CFAP46: variants seen among roughly 807,000 people sequenced by gnomAD.
CFAP46 encodes cilia and flagella associated protein 46.
In CFAP46, 245 loss-of-function variants were observed where a neutral mutation model predicts 325.7. The observed-to-expected ratio is 0.75, with a 90% CI of 0.68 to 0.84. CFAP46 has a LOEUF of 0.84. Ranked by LOEUF, CFAP46 falls within the 40% of genes least tolerant of loss-of-function variation. CFAP46 has a pLI of 0.00. For synonymous variants in CFAP46, 1,523 were observed against 1,495.9 expected, an observed-to-expected ratio of 1.02 and a Z score of -0.42; for missense variants, 3,346 against 3,543.0, an observed-to-expected ratio of 0.94 and a Z score of 1.41.
intron 19 of CFAP46, among the ~76,000 whole-genome samples, chr10:132,911,103 C>T (rs1849534512): frequency 6.6e-6 from 1 of 152,242 alleles, no homozygotes; most frequent in African/African-American, 2.4e-5. Context: ...CTCAGCTGCA[C>T]CCACAGCTGC....
At chr10:132,845,166 G>T (rs545980737) in intron 44 of CFAP46, among the ~76,000 whole-genome samples, 37 of 152,358 alleles carry the variant, frequency 2.4e-4, no homozygotes, top group Non-Finnish European at 4.9e-4. Flanking sequence ...TCCTCCAGGC[G>T]CAGGGCCAGG....
chr10:132,846,232 A>T lies in CFAP46; in HGVS notation c.6268-5T>A. On this transcript the variant is annotated splice_region_variant and splice_polypyrimidine_tract_variant and intron_variant, in intron 43 of 57. Coordinates refer to ENST00000368586, the MANE Select transcript of CFAP46 (RefSeq NM_001200049.3). ...CGTCTCTGAGGCCGAGCAGCTCTGAAAGGGAGCAGGGGAGGTGTACCAGGG... is the reference window on the plus strand; with the variant it reads ...CGTCTCTGAGGCCGAGCAGCTCTGATAGGGAGCAGGGGAGGTGTACCAGGG... 4 of 1,610,992 alleles carry T rather than the reference A, an allele frequency of 2.5e-6. No individual in the cohort carries two copies. Among genetic ancestry groups the T allele is most frequent in the Non-Finnish European group, 3.4e-6 (4 of 1,179,316 alleles).
At chr10:132,850,871 C>T (rs536685612) in intron 40 of CFAP46, among the ~76,000 whole-genome samples, 5 of 152,078 alleles carry the variant, frequency 3.3e-5, no homozygotes, top group South Asian at 2.1e-4. Context: ...ATTCATGAGT[C>T]GGGAAGGGCA....
rs76549496 is a variant in CFAP46 at position 132,853,071 on chromosome 10, C to T, written c.5575-1766G>A. Reference sequence around the variant, plus strand: ...TTTTTTCCTGCCGGATTCCATAGGCCGGAACTCCCATGTCAACACGGAACA... The same window carrying T: ...TTTTTTCCTGCCGGATTCCATAGGCTGGAACTCCCATGTCAACACGGAACA... On this transcript the variant is annotated intron_variant, in intron 39 of 57. Transcript: ENST00000368586. 4.0e-3 allele frequency among the ~76,000 whole-genome samples: 559 copies of T among 140,944 alleles called. 2 individuals carry two copies. The highest frequency in any genetic ancestry group is 7.8e-3 in the Admixed American group (99 of 12,664). The allele number at this position is 140,944 out of a possible 152,430, so 92.5% of individuals were successfully genotyped here.
Position 132,910,062 on chromosome 10 carries a change from C to T in CFAP46, c.2506G>A (p.Glu836Lys), listed in dbSNP as rs927726905. 14 of 1,493,634 alleles carry T rather than the reference C, an allele frequency of 9.4e-6. No individual in the cohort carries two copies. Among genetic ancestry groups the T allele is most frequent in the Admixed American group, 7.4e-5 (3 of 40,758 alleles). The allele number at this position is 1,493,634 out of a possible 1,614,324, so 92.5% of individuals were successfully genotyped here. A position where few individuals can be genotyped will look rare whatever the true frequency, so the allele number is the denominator to read the frequency against. ...CCATTGGTCAGGTTCAGGGCAAACT[C>T]GCAGACCTAGGACAGACGTGTTCTC... The part of the protein sequence containing the change: ...SEIKTAVEVC[E>K]FALNLTNGSA... The change falls in exon 20 of 58, where the codon GAG (glutamate) becomes AAG (lysine). Residue 836 changes from glutamate (E) to lysine (K), a missense_variant. Physicochemically the swap from Glu to Lys is moderately conservative, Grantham distance 56. Transcript: ENST00000368586.
rs377458670 is a variant in CFAP46 at position 132,932,192 on chromosome 10, C to T, written c.867-2388G>A. ...ACTTCTCACACAGAGCCTAGGCCTC[C>T]TCACACTTCTCACACAGAGCCTGGG... is the stretch of plus-strand genomic sequence containing the variant. On this transcript the variant is annotated intron_variant, in intron 8 of 57. Coordinates refer to ENST00000368586, the MANE Select transcript of CFAP46 (RefSeq NM_001200049.3). Among the ~76,000 whole-genome samples, 30 of 144,760 alleles carry T rather than the reference C, an allele frequency of 2.1e-4. 1 individual carries two copies. Among genetic ancestry groups the T allele is most frequent in the African/African-American group, 7.8e-4 (30 of 38,320 alleles). 95.0% of individuals were successfully genotyped at this position (144,760 alleles called of 152,430 possible).
chr10:132,922,523 G>A lies in CFAP46; in HGVS notation c.1442C>T (p.Ala481Val). The A allele has an allele frequency of 6.5e-7, 1 of 1,546,382 alleles. No homozygotes were observed. The highest frequency in any genetic ancestry group is 8.7e-7 in the Non-Finnish European group (1 of 1,146,042). The change falls in exon 12 of 58, where the codon GCC becomes GTC. Residue 481 changes from alanine (A) to valine (V), a missense_variant. Physicochemically the swap from Ala to Val is moderately conservative, Grantham distance 64 (BLOSUM62 0). Transcript: ENST00000368586. ...GGCCTTGTCCTCTGCGCGCTCAGGG[G>A]CCTGGTATAGCGTGGTGCACAGACG... ...RLRLCTTLYQ[A>V]PERAEDKAIM...
At chr10:132,862,988 A>G (rs1301457053) in intron 35 of CFAP46, among the ~76,000 whole-genome samples, 1 of 152,122 alleles carries the variant, frequency 6.6e-6, no homozygotes, top group East Asian at 1.9e-4. Flanking sequence ...CAAGGAAACA[A>G]ACAACTTCCT....
intron 7 of CFAP46, among the ~76,000 whole-genome samples, chr10:132,935,953 T>C (rs1223018057): frequency 9.7e-6 from 1 of 102,604 alleles, no homozygotes; most frequent in African/African-American, 3.9e-5. Flanking sequence ...CCAAACACAC[T>C]GCGATCTCCT....
chr10:132,938,162 G>A lies in CFAP46; in HGVS notation c.536+427C>T, dbSNP rs115539386. 8.4e-3 allele frequency among the ~76,000 whole-genome samples: 1,279 copies of A among 152,330 alleles called. 22 individuals carry two copies. Among genetic ancestry groups the A allele is most frequent in the African/African-American group, 0.029 (1,188 of 41,584 alleles). On this transcript the variant is annotated intron_variant, in intron 5 of 57. Coordinates refer to ENST00000368586, the MANE Select transcript of CFAP46 (RefSeq NM_001200049.3). The stretch of plus-strand genomic sequence containing the variant: ...GGTGACCCCTCAGGGCTGAGACCCA[G>A]CAAGGCCGGCCTGCCCTGTGCTGCC...
At chr10:132,893,672 C>T (rs898226623) in intron 24 of CFAP46, among the ~76,000 whole-genome samples, 4 of 152,196 alleles carry the variant, frequency 2.6e-5, no homozygotes, top group African/African-American at 9.7e-5. Flanking sequence ...GTGTGAGACC[C>T]CCAAGTCAAA....
At chr10:132,813,299 A>G (rs1025978556) in intron 54 of CFAP46, among the ~76,000 whole-genome samples, 1 of 151,666 alleles carries the variant, frequency 6.6e-6, no homozygotes, top group African/African-American at 2.4e-5. Flanking sequence ...CTGCCCCTGC[A>G]GCCCCACCCC....
Position 132,828,508 on chromosome 10 carries a change from T to A in CFAP46, c.7117+4850A>T, listed in dbSNP as rs1333810303. ...GCTATCTAAATCTTTTCTCGTGAAGTATCTGTTCAAATCTTTTTTAGGGTT... is the reference window on the plus strand; with the variant it reads ...GCTATCTAAATCTTTTCTCGTGAAGAATCTGTTCAAATCTTTTTTAGGGTT... On this transcript the variant is annotated intron_variant, in intron 50 of 57. Coordinates refer to ENST00000368586, the MANE Select transcript of CFAP46 (RefSeq NM_001200049.3). The surrounding 1 kb of genome is among the most constrained non-coding windows in gnomAD (Gnocchi z 4.9). Among the ~76,000 whole-genome samples the A allele has an allele frequency of 6.6e-6, 1 of 152,236 alleles. No individual in the cohort carries two copies.
In CFAP46 at chr10:132,847,408, T is replaced by A; in HGVS notation, c.5953-87A>T. 1 of 1,532,832 alleles carries A rather than the reference T, an allele frequency of 6.5e-7. No homozygotes were observed. Among genetic ancestry groups the A allele is most frequent in the African/African-American group, 1.4e-5 (1 of 73,438 alleles). 95.0% of individuals were successfully genotyped at this position (1,532,832 alleles called of 1,614,324 possible). On this transcript the variant is annotated intron_variant, in intron 41 of 57. Transcript: ENST00000368586. The surrounding 1 kb of genome is among the most constrained non-coding windows in gnomAD (Gnocchi z 5.2). ...GGCCCACCCAGGGAGGCCGGGGTGG[T>A]CGGGCTCCTCAGCAGGGTCCCCGGG...
At position 132,864,461 on chromosome 10, in the gene CFAP46, C is replaced by T. The variant is rs1198683916; in HGVS notation, c.4890+1564G>A. Among the ~76,000 whole-genome samples the T allele has an allele frequency of 3.9e-5, 5 of 128,796 alleles. 1 individual carries two copies. Among genetic ancestry groups the T allele is most frequent in the Non-Finnish European group, 8.7e-5 (5 of 57,596 alleles). The allele number at this position is 128,796 out of a possible 152,430, so 84.5% of individuals were successfully genotyped here. A position where few individuals can be genotyped will look rare whatever the true frequency, so the allele number is the denominator to read the frequency against. ...TGCCTGAGACCTGCACACACCTGTC[C>T]CCCTGCCTGAGACCTGCACACATCT... On this transcript the variant is annotated intron_variant, in intron 35 of 57. Coordinates refer to ENST00000368586, the MANE Select transcript of CFAP46 (RefSeq NM_001200049.3).
intron 24 of CFAP46, chr10:132,898,558 C>T (rs1270673847): frequency 6.1e-6 from 2 of 330,022 alleles, no homozygotes; most frequent in South Asian, 2.5e-5. Context: ...GCACCTGTGG[C>T]CCAGCCCCCG....
In CFAP46 at chr10:132,938,726, T is replaced by C. The variant is rs1850051896; in HGVS notation, c.399A>G (p.Ser133=). The part of the protein sequence containing the change: ...PRYYFLVYNA[S]VLYWQMVRPF... ...GCCTCACCATCTGCCAGTAGAGGACTGATGCATTGTACACCAAAAAGTAGT... is the reference window on the plus strand; with the variant it reads ...GCCTCACCATCTGCCAGTAGAGGACCGATGCATTGTACACCAAAAAGTAGT... The change falls in exon 5 of 58, where the codon TCA becomes TCG. Residue 133 remains serine (S), a synonymous_variant. Transcript: ENST00000368586. 1.2e-6 allele frequency: 2 copies of C among 1,613,272 alleles called. No homozygotes were observed. The highest frequency in any genetic ancestry group is 2.2e-5 in the South Asian group (2 of 91,076).
chr10:132,929,379 C>G lies in CFAP46; in HGVS notation c.966+326G>C, dbSNP rs1414834058. ...GGCACTGCCGGTGTGATTTACACGT[C>G]CAATAATGGGACTGGTGGAGGATGT... On this transcript the variant is annotated intron_variant, in intron 9 of 57. Transcript: ENST00000368586. The G allele has an allele frequency of 4.6e-6, 3 of 648,006 alleles. No homozygotes were observed. In the Admixed American group the frequency reaches 7.1e-5, roughly 15 times the overall value. The allele number at this position is 648,006 out of a possible 1,614,324, so 40.1% of individuals were successfully genotyped here. A position where few individuals can be genotyped will look rare whatever the true frequency, so the allele number is the denominator to read the frequency against.
At chr10:132,929,362 C>T (rs891801913) in intron 9 of CFAP46, 4 of 628,970 alleles carry the variant, frequency 6.4e-6, no homozygotes, top group Admixed American at 2.6e-5. Flanking sequence ...GAGGCACTGC[C>T]GGTGTGATTT....
Sources: gnomAD v4.1 joint callset for allele counts (sites outside exome capture counted in the v4.1 genomes callset) on GRCh38, gnomAD v4.1.1 for gene constraint, Gnocchi (gnomAD v3.1) non-coding constraint, MANE v1.5 for transcripts, NCBI Gene and HGNC (gene_info 2026-07-23, HGNC 2026-07-21) for gene names.